The following CPNE4 variants were observed in gnomAD, a reference collection of about 807,000 sequenced individuals.
CPNE4 encodes copine 4.
A neutral mutation model predicts 67.9 loss-of-function variants in CPNE4; 25 were observed. The observed-to-expected ratio is 0.37, with a 90% CI of 0.27 to 0.51. The LOEUF (loss-of-function observed/expected upper bound fraction) is 0.51, where lower values mean the gene tolerates loss of function less well. Ranked by LOEUF, CPNE4 falls within the 20% of genes least tolerant of loss-of-function variation. The probability of loss-of-function intolerance (pLI) is 0.93; values close to 1 mark genes in which losing one functional copy is unlikely to be tolerated. For synonymous variants in CPNE4, 242 were observed against 244.9 expected (o/e 0.99, Z 0.11); for missense variants, 464 against 690.8 (o/e 0.67, Z 3.68).
chr3:131,976,820 G>A (rs1007426959), intron 1 of CPNE4, among the ~76,000 whole-genome samples: 3 of 141,442 alleles, frequency 2.1e-5, no homozygotes, highest in African/African-American at 7.9e-5. Context: ...TTCTTTTTTT[G>A]AGACAGAGTC....
chr3:131,984,223 T>C (rs992985242), intron 1 of CPNE4, among the ~76,000 whole-genome samples: 1 of 152,204 alleles, frequency 6.6e-6, no homozygotes. Context: ...AAAGATCTCC[T>C]AACTCTTCAT....
chr3:131,937,145 T>A (rs1321285461), intron 1 of CPNE4, among the ~76,000 whole-genome samples: 1 of 151,904 alleles, frequency 6.6e-6, no homozygotes, highest in African/African-American at 2.4e-5. Context: ...AATCAAGAAA[T>A]AAATAAATAA....
intron 1 of CPNE4, among the ~76,000 whole-genome samples, chr3:131,970,388 C>G (rs2072470392): frequency 6.6e-6 from 1 of 152,184 alleles, no homozygotes; most frequent in Non-Finnish European, 1.5e-5. Flanking sequence ...CTGACCAATA[C>G]AGTGCTTAAT....
chr3:131,827,019 G>A (rs1249491721), intron 2 of CPNE4, among the ~76,000 whole-genome samples: 1 of 151,862 alleles, frequency 6.6e-6, no homozygotes, highest in Non-Finnish European at 1.5e-5. Flanking sequence ...CATCCTGGGT[G>A]ACAGTAAGAC....
chr3:131,958,609 C>CTTTTTTTTTTTTTTTTTTTTTTT (rs748126986), intron 1 of CPNE4, among the ~76,000 whole-genome samples: 2 of 96,030 alleles, frequency 2.1e-5, no homozygotes, highest in African/African-American at 5.0e-5. Context: ...TCTTTCTTTT[C>CTTTTTTTTTTTTTTTTTTTTTTT]TTTTTTTTTT....
intron 2 of CPNE4, among the ~76,000 whole-genome samples, chr3:131,876,312 CTT>C (rs2087449499): frequency 6.6e-6 from 1 of 151,282 alleles, no homozygotes; most frequent in African/African-American, 2.4e-5. Flanking sequence ...AAGGCATGCT[CTT>C]TATTTTTTGT....
At chr3:131,980,171 C>A (rs1434562493) in intron 1 of CPNE4, among the ~76,000 whole-genome samples, 1 of 152,110 alleles carries the variant, frequency 6.6e-6, no homozygotes, top group Non-Finnish European at 1.5e-5. Context: ...TGAAAATGTG[C>A]CTAGGTGAAT....
chr3:131,989,376 T>C (rs866272397), intron 1 of CPNE4, among the ~76,000 whole-genome samples: 10 of 152,214 alleles, frequency 6.6e-5, no homozygotes, highest in African/African-American at 2.4e-4. Flanking sequence ...AATACCGCTT[T>C]GGAATATCAA....
At chr3:131,589,280 C>A (rs1938385372) in intron 7 of CPNE4, among the ~76,000 whole-genome samples, 1 of 152,100 alleles carries the variant, frequency 6.6e-6, no homozygotes, top group East Asian at 1.9e-4. Context: ...CTGAGAGCCC[C>A]CAGGAAGCCA....
chr3:131,699,879 C>A (rs1435752429), intron 4 of CPNE4, 30 bp downstream of exon 4: 1 of 1,597,684 alleles, frequency 6.3e-7, no homozygotes, highest in East Asian at 2.2e-5. Flanking sequence ...TCCACTCAGG[C>A]AGACAGCTGC....
intron 5 of CPNE4, among the ~76,000 whole-genome samples, chr3:131,695,289 T>A (rs545673983): frequency 3.9e-5 from 6 of 152,132 alleles, no homozygotes; most frequent in Non-Finnish European, 7.4e-5. Flanking sequence ...GTACAGCCAA[T>A]GGTGGGAATA....
At chr3:131,755,022 T>C (rs1034091974) in intron 2 of CPNE4, among the ~76,000 whole-genome samples, 4 of 152,160 alleles carry the variant, frequency 2.6e-5, no homozygotes, top group Non-Finnish European at 5.9e-5. Flanking sequence ...CAAGATATGA[T>C]AAATTGTGTA....
intron 2 of CPNE4, among the ~76,000 whole-genome samples, chr3:131,830,054 T>C (rs2107992162): frequency 6.6e-6 from 1 of 152,266 alleles, no homozygotes; most frequent in African/African-American, 2.4e-5. Flanking sequence ...TTTTTCTTCT[T>C]ATATTAACCT....
At chr3:131,544,854 A>G (rs1004474781) in intron 14 of CPNE4, among the ~76,000 whole-genome samples, 3 of 152,116 alleles carry the variant, frequency 2.0e-5, no homozygotes, top group Admixed American at 6.5e-5. Context: ...TGTGTCTCCT[A>G]CCTTTATCCT....
At chr3:131,661,231 G>T (rs2107642232) in intron 7 of CPNE4, among the ~76,000 whole-genome samples, 1 of 152,258 alleles carries the variant, frequency 6.6e-6, no homozygotes, top group South Asian at 2.1e-4. Flanking sequence ...AATATTAGCT[G>T]TTTTTTAAAT....
At chr3:131,940,412 A>C (rs1450667270) in intron 1 of CPNE4, among the ~76,000 whole-genome samples, 2 of 152,142 alleles carry the variant, frequency 1.3e-5, no homozygotes, top group Non-Finnish European at 2.9e-5. Context: ...TATATTTATC[A>C]GTATTATTTC....
At chr3:131,978,170 T>C (rs1368121573) in intron 1 of CPNE4, among the ~76,000 whole-genome samples, 2 of 71,618 alleles carry the variant, frequency 2.8e-5, no homozygotes, top group Non-Finnish European at 4.6e-5. Context: ...TATATATAAA[T>C]ATGTAAATAT....
chr3:131,770,368 A>T (rs191026250), intron 2 of CPNE4, among the ~76,000 whole-genome samples: 2 of 152,356 alleles, frequency 1.3e-5, no homozygotes, highest in Non-Finnish European at 2.9e-5. Context: ...GAAGGCCAAG[A>T]AATACTGAAG....
intron 2 of CPNE4, 82 bp downstream of exon 2, chr3:131,905,182 C>A: frequency 1.7e-6 from 2 of 1,206,896 alleles, no homozygotes; most frequent in Admixed American, 2.3e-5. Context: ...TCAAAATAAA[C>A]CACCTGAAGA....
Sources: gnomAD v4.1 joint callset for allele counts (sites outside exome capture counted in the v4.1 genomes callset) on GRCh38, gnomAD v4.1.1 for gene constraint, MANE v1.5 for transcripts, NCBI Gene and HGNC (gene_info 2026-07-23, HGNC 2026-07-21) for gene names.